Variants in REEP3 observed in about 807,000 individuals in gnomAD.
The protein encoded by REEP3 is receptor expression-enhancing protein 3.
In REEP3, 20 loss-of-function variants were observed where a neutral mutation model predicts 41.3. That is an observed-to-expected ratio of 0.48 (90% CI 0.34 to 0.70). The LOEUF is 0.70. Among genes scored for constraint, REEP3 ranks in the 30% least tolerant of loss-of-function variants. The pLI, the probability that REEP3 is intolerant of heterozygous loss-of-function variation, is 0.01. For missense variants in REEP3, 271 were observed against 308.8 expected, an observed-to-expected ratio of 0.88 and a Z score of 0.92; for synonymous variants, 104 against 101.8, an observed-to-expected ratio of 1.02 and a Z score of -0.13.
At chr10:63,523,746 A>G (rs1022614448) in intron 1 of REEP3, among the ~76,000 whole-genome samples, 1 of 152,256 alleles carries the variant, frequency 6.6e-6, no homozygotes, top group African/African-American at 2.4e-5. Context: ...GGAAAAGCCC[A>G]GATTAGTTAC....
Position 63,566,214 on chromosome 10 carries a change from A to G in REEP3, c.33-124A>G, listed in dbSNP as rs1223190706. 12 of 660,754 alleles carry G rather than the reference A, an allele frequency of 1.8e-5. No homozygotes were observed. The African/African-American group carries it at 2.0e-4, about 11-fold the overall frequency. 40.9% of individuals were successfully genotyped at this position (660,754 alleles called of 1,614,324 possible). A position where few individuals can be genotyped will look rare whatever the true frequency, so the allele number is the denominator to read the frequency against. ...ATCTTTTTATTAAAAATATATTTTTACTTTTTCTGAGCGGATTTAATTTAC... is the reference window on the plus strand; with the variant it reads ...ATCTTTTTATTAAAAATATATTTTTGCTTTTTCTGAGCGGATTTAATTTAC... On this transcript the variant is annotated intron_variant, in intron 1 of 7. Transcript: ENST00000373758.
At chr10:63,598,921 G>A (rs889293747) in intron 4 of REEP3, among the ~76,000 whole-genome samples, 7 of 151,776 alleles carry the variant, frequency 4.6e-5, no homozygotes, top group Non-Finnish European at 8.8e-5. Flanking sequence ...GTGAGACCCC[G>A]TCTCTACAAA....
At chr10:63,600,670 G>T (rs941356037) in intron 5 of REEP3, among the ~76,000 whole-genome samples, 2 of 152,128 alleles carry the variant, frequency 1.3e-5, no homozygotes, top group Admixed American at 1.3e-4. Flanking sequence ...AGAGGGAATA[G>T]ATGCAATTAT....
chr10:63,522,359 G>A (rs1955285570), intron 1 of REEP3, among the ~76,000 whole-genome samples: 1 of 152,162 alleles, frequency 6.6e-6, no homozygotes, highest in African/African-American at 2.4e-5. Flanking sequence ...CTACCAACAA[G>A]TGCTACAGGT....
At chr10:63,555,829 T>A (rs1589865201) in intron 1 of REEP3, among the ~76,000 whole-genome samples, 1 of 152,314 alleles carries the variant, frequency 6.6e-6, no homozygotes, top group Non-Finnish European at 1.5e-5. Context: ...CCTTGAGCCC[T>A]ACTGCCAAAA....
chr10:63,594,080 A>C (rs1956090089), intron 2 of REEP3, among the ~76,000 whole-genome samples: 1 of 152,076 alleles, frequency 6.6e-6, no homozygotes, highest in South Asian at 2.1e-4. Flanking sequence ...TATTTATGTA[A>C]CAATTAAATA....
chr10:63,567,504 T>G (rs1038740393), intron 2 of REEP3, among the ~76,000 whole-genome samples: 2 of 152,202 alleles, frequency 1.3e-5, no homozygotes, highest in African/African-American at 4.8e-5. Context: ...AGTATGTATT[T>G]CATTTTGAAT....
chr10:63,566,456 T>C (rs1413634205), intron 2 of REEP3, 46 bp downstream of exon 2: 2 of 1,052,728 alleles, frequency 1.9e-6, no homozygotes, highest in South Asian at 2.9e-5. Flanking sequence ...AATATTTTAA[T>C]GATACACACT....
Position 63,610,258 on chromosome 10 carries a change from G to A in REEP3, c.489G>A (p.Glu163=), listed in dbSNP as rs1243628682. 8 of 1,596,934 alleles carry A rather than the reference G, an allele frequency of 5.0e-6. No individual in the cohort carries two copies. Among genetic ancestry groups the A allele is most frequent in the Middle Eastern group, 1.7e-4 (1 of 6,060 alleles). Residue 163 remains glutamate (E), a synonymous_variant, in exon 6 of 8, where the codon GAG becomes GAA. Coordinates refer to ENST00000373758, the MANE Select transcript of REEP3 (RefSeq NM_001001330.3). ...MHDLTTIQGD[E]PVGQRPYQPL... is the part of the protein sequence containing the mutation. The stretch of plus-strand genomic sequence containing the variant: ...ATTTAACAACTATCCAAGGTGATGA[G>A]CCTGTGGGACAAAGACCATACCAAC...
intron 1 of REEP3, 39 bp downstream of exon 1, chr10:63,521,616 C>T: frequency 1.5e-6 from 2 of 1,368,682 alleles, no homozygotes; most frequent in South Asian, 1.6e-5. Context: ...CGGCGCGAGG[C>T]CCAGGGGAGC....
rs570471631 is a variant in REEP3 at position 63,624,146 on chromosome 10, A to G, written c.*3277A>G. 1 of 152,140 alleles carries G rather than the reference A, an allele frequency of 6.6e-6. No individual in the cohort carries two copies. Among genetic ancestry groups the G allele is most frequent in the Non-Finnish European group, 1.5e-5 (1 of 67,980 alleles). 9.4% of individuals were successfully genotyped at this position (152,140 alleles called of 1,614,324 possible). ...ATTATCAGGAAAATTAAGGAGTTAT[A>G]TATTTAAAAGCAATTTTCTGTGTTT... On this transcript the variant is annotated 3_prime_UTR_variant, in exon 8 of 8. Transcript: ENST00000373758.
At chr10:63,550,010 A>C (rs752698061) in intron 1 of REEP3, among the ~76,000 whole-genome samples, 7 of 152,236 alleles carry the variant, frequency 4.6e-5, no homozygotes, top group Non-Finnish European at 7.3e-5. Flanking sequence ...TGAAGTCTTT[A>C]AGTGAGGCAG....
At chr10:63,567,274 C>T (rs1564480590) in intron 2 of REEP3, among the ~76,000 whole-genome samples, 1 of 151,972 alleles carries the variant, frequency 6.6e-6, no homozygotes, top group Non-Finnish European at 1.5e-5. Flanking sequence ...CAATATTATA[C>T]ATATATATAA....
At chr10:63,611,221 C>CA (rs1956274954) in intron 6 of REEP3, among the ~76,000 whole-genome samples, 1 of 152,200 alleles carries the variant, frequency 6.6e-6, no homozygotes. Flanking sequence ...AACCTGTAAT[C>CA]AATACTCTTT....
rs777758272 is a variant in REEP3 at position 63,599,143 on chromosome 10, A to T, written c.304-27A>T. 20 of 1,183,268 alleles carry T rather than the reference A, an allele frequency of 1.7e-5. 1 individual carries two copies. In the South Asian group the frequency reaches 2.6e-4, roughly 15 times the overall value. 73.3% of individuals were successfully genotyped at this position (1,183,268 alleles called of 1,614,324 possible). A position where few individuals can be genotyped will look rare whatever the true frequency, so the allele number is the denominator to read the frequency against. On this transcript the variant is annotated intron_variant, in intron 4 of 7. Coordinates refer to ENST00000373758, the MANE Select transcript of REEP3 (RefSeq NM_001001330.3). ...CTTATTAACACTATTTTTAAGTAAAACTAACATCTGTGGCTTTTTCCCCCA... is the reference window on the plus strand; with the variant it reads ...CTTATTAACACTATTTTTAAGTAAATCTAACATCTGTGGCTTTTTCCCCCA...
chr10:63,562,801 A>G (rs1027495698), intron 1 of REEP3, among the ~76,000 whole-genome samples: 1 of 152,214 alleles, frequency 6.6e-6, no homozygotes, highest in Non-Finnish European at 1.5e-5. Context: ...GTAAATGCAA[A>G]CACTTATTTA....
Position 63,521,450 on chromosome 10 carries a change from G to A in REEP3, c.-96G>A, listed in dbSNP as rs1369482985. 4.2e-6 allele frequency: 3 copies of A among 717,680 alleles called. No homozygotes were observed. Among genetic ancestry groups the A allele is most frequent in the Non-Finnish European group, 3.7e-6 (2 of 537,924 alleles). The allele number at this position is 717,680 out of a possible 1,614,324, so 44.5% of individuals were successfully genotyped here. A position where few individuals can be genotyped will look rare whatever the true frequency, so the allele number is the denominator to read the frequency against. On this transcript the variant is annotated 5_prime_UTR_variant, in exon 1 of 8. Transcript: ENST00000373758. ...GCGCCAGCGCGGCCCCGGGGAGCGC[G>A]AGGAGCCGGCGAAGCGCGCGGCCTG...
At chr10:63,610,720 T>A (rs1237849959) in intron 6 of REEP3, among the ~76,000 whole-genome samples, 1 of 152,218 alleles carries the variant, frequency 6.6e-6, no homozygotes, top group African/African-American at 2.4e-5. Flanking sequence ...TACTTTTACA[T>A]TTAATCATAG....
chr10:63,565,069 C>G (rs1050929952), intron 1 of REEP3, among the ~76,000 whole-genome samples: 1 of 152,060 alleles, frequency 6.6e-6, no homozygotes, highest in East Asian at 1.9e-4. Flanking sequence ...ACCAGCCTGG[C>G]CAACATGGCG....
Sources: allele counts gnomAD v4.1 joint callset (sites outside exome capture counted in the v4.1 genomes callset), GRCh38; gene constraint gnomAD v4.1.1; transcripts MANE v1.5; gene names NCBI Gene and HGNC (gene_info 2026-07-23, HGNC 2026-07-21).